CNTN5: variants seen among roughly 807,000 people sequenced by gnomAD.
CNTN5 encodes the protein contactin 5, also known as contactin-5.
A neutral mutation model predicts 129.1 loss-of-function variants in CNTN5; 77 were observed. That is an observed-to-expected ratio of 0.60 (90% CI 0.50 to 0.72). CNTN5 has a LOEUF of 0.72. Among genes scored for constraint, CNTN5 ranks in the 30% least tolerant of loss-of-function variants. CNTN5 has a pLI of 0.00. For synonymous variants in CNTN5, 509 were observed against 465.6 expected (o/e 1.09, Z -1.20); for missense variants, 1,478 against 1,328.8 (o/e 1.11, Z -1.75).
intron 15 of CNTN5, among the ~76,000 whole-genome samples, chr11:100,219,622 A>G (rs1949219359): frequency 6.6e-6 from 1 of 152,194 alleles, no homozygotes; most frequent in Admixed American, 6.5e-5. Context: ...CATTTTTCTT[A>G]GGACTTAAAT....
rs1443513610 is a variant in CNTN5 at position 100,229,451 on chromosome 11, A to G, written c.2005+4639A>G. ...TGGTTGAAAGTAACCTGAAGACACC[A>G]GTTTTTACCTGGATAGAAACTAATT... On this transcript the variant is annotated intron_variant, in intron 16 of 24. Transcript: ENST00000524871. 2.0e-5 allele frequency among the ~76,000 whole-genome samples: 3 copies of G among 152,160 alleles called. No individual in the cohort carries two copies. The South Asian group carries it at 6.2e-4, about 31-fold the overall frequency.
chr11:100,060,965 T>A (rs190799328), intron 9 of CNTN5, among the ~76,000 whole-genome samples: 1 of 152,332 alleles, frequency 6.6e-6, no homozygotes, highest in African/African-American at 2.4e-5. Flanking sequence ...AAATAAATCA[T>A]AATTGGTTAC....
chr11:100,060,637 TTTC>T (rs1172472653), intron 9 of CNTN5, among the ~76,000 whole-genome samples: 1 of 107,116 alleles, frequency 9.3e-6, no homozygotes. Context: ...AACAATTTTT[TTTC>T]TTTTTTTTTT....
At chr11:100,273,738 C>A (rs776931646) in intron 18 of CNTN5, among the ~76,000 whole-genome samples, 15 of 152,140 alleles carry the variant, frequency 9.9e-5, no homozygotes, top group Admixed American at 2.6e-4. Context: ...GACAGGCACC[C>A]AGGAACCCGC....
At chr11:100,063,728 A>G (rs1943578406) in intron 10 of CNTN5, among the ~76,000 whole-genome samples, 1 of 133,220 alleles carries the variant, frequency 7.5e-6, no homozygotes, top group Non-Finnish European at 1.6e-5. Flanking sequence ...AAAAAAAAAA[A>G]TACAAAAAAT....
At chr11:100,299,926 C>T (rs947453196) in intron 20 of CNTN5, among the ~76,000 whole-genome samples, 2 of 151,334 alleles carry the variant, frequency 1.3e-5, no homozygotes, top group South Asian at 2.1e-4. Flanking sequence ...TTATTGCCTC[C>T]GTTATGTAGA....
chr11:99,943,279 A>G (rs534366689), intron 7 of CNTN5, among the ~76,000 whole-genome samples: 9 of 152,224 alleles, frequency 5.9e-5, no homozygotes, highest in Admixed American at 4.6e-4. Flanking sequence ...CCCTTGTCTG[A>G]TAACCAGTGA....
intron 3 of CNTN5, among the ~76,000 whole-genome samples, chr11:99,786,694 A>C (rs1945537647): frequency 1.3e-5 from 2 of 152,180 alleles, no homozygotes; most frequent in South Asian, 4.1e-4. Flanking sequence ...CCTCAGAAAT[A>C]ACACTACACA....
chr11:99,719,842 G>A (rs1453988299), intron 3 of CNTN5, among the ~76,000 whole-genome samples: 1 of 151,952 alleles, frequency 6.6e-6, no homozygotes, highest in Non-Finnish European at 1.5e-5. Context: ...AATGACAAAG[G>A]AAATGTTATT....
intron 3 of CNTN5, among the ~76,000 whole-genome samples, chr11:99,789,545 A>G (rs1410897289): frequency 6.6e-6 from 1 of 152,016 alleles, no homozygotes; most frequent in African/African-American, 2.4e-5. Context: ...GCAATTGAAT[A>G]ATTATCACTT....
rs144926167 is a variant in CNTN5, at chr11:99,126,041, G to A, written c.-210+104771G>A. On this transcript the variant is annotated intron_variant, in intron 1 of 24. Coordinates refer to ENST00000524871, the MANE Select transcript of CNTN5 (RefSeq NM_014361.4). ...GGATTCTAAATTCTTATTATTTATTGGCTATGATCTGCACTGATAATAGTA... is the reference window on the plus strand; with the variant it reads ...GGATTCTAAATTCTTATTATTTATTAGCTATGATCTGCACTGATAATAGTA... Among the ~76,000 whole-genome samples, 4 of 152,182 alleles carry A rather than the reference G, an allele frequency of 2.6e-5. No individual in the cohort carries two copies. In the East Asian group the frequency reaches 7.7e-4, roughly 29 times the overall value.
At chr11:100,184,070 C>T (rs1050081041) in intron 13 of CNTN5, among the ~76,000 whole-genome samples, 1 of 152,084 alleles carries the variant, frequency 6.6e-6, no homozygotes, top group African/African-American at 2.4e-5. Flanking sequence ...TCAAATATTA[C>T]CCCCTAAGAA....
At chr11:99,447,312 T>A (rs1287410501) in intron 2 of CNTN5, among the ~76,000 whole-genome samples, 1 of 152,218 alleles carries the variant, frequency 6.6e-6, no homozygotes, top group Non-Finnish European at 1.5e-5. Flanking sequence ...AATGTTTTGT[T>A]TTAGGCACAC....
chr11:99,784,487 G>A (rs1452951081), intron 3 of CNTN5, among the ~76,000 whole-genome samples: 1 of 151,564 alleles, frequency 6.6e-6, no homozygotes, highest in Non-Finnish European at 1.5e-5. Flanking sequence ...CCCATCCTTG[G>A]GTTGGTTCCA....
At chr11:99,138,651 T>C (rs559716304) in intron 1 of CNTN5, among the ~76,000 whole-genome samples, 3 of 152,316 alleles carry the variant, frequency 2.0e-5, no homozygotes, top group African/African-American at 4.8e-5. Flanking sequence ...TTGAAACTTG[T>C]TCAAAGAAAC....
intron 1 of CNTN5, among the ~76,000 whole-genome samples, chr11:99,115,547 G>A (rs1372941914): frequency 6.6e-6 from 1 of 152,054 alleles, no homozygotes. Flanking sequence ...ATCACCTCAG[G>A]AGAGGAGTTT....
At chr11:99,963,666 TTAAAG>T in intron 8 of CNTN5, among the ~76,000 whole-genome samples, 1 of 152,306 alleles carries the variant, frequency 6.6e-6, no homozygotes, top group South Asian at 2.1e-4. Context: ...CATATGAACT[TTAAAG>T]TAGTTTTTTC....
chr11:100,073,476 G>T (rs2137884455), intron 12 of CNTN5, among the ~76,000 whole-genome samples: 1 of 151,492 alleles, frequency 6.6e-6, no homozygotes, highest in African/African-American at 2.4e-5. Flanking sequence ...TATAATATCA[G>T]ATTGGTAAAA....
chr11:100,039,761 T>C (rs965862259), intron 9 of CNTN5, among the ~76,000 whole-genome samples: 1 of 152,232 alleles, frequency 6.6e-6, no homozygotes, highest in African/African-American at 2.4e-5. Flanking sequence ...TTGATGGCAT[T>C]GGCTACTGAG....
Sources: allele counts gnomAD v4.1 joint callset (sites outside exome capture counted in the v4.1 genomes callset), GRCh38; gene constraint gnomAD v4.1.1; transcripts MANE v1.5; gene names NCBI Gene and HGNC (gene_info 2026-07-23, HGNC 2026-07-21).